CCDC91: variants seen among roughly 807,000 people sequenced by gnomAD.
The protein encoded by CCDC91 is coiled-coil domain containing 91, also known as coiled-coil domain-containing protein 91.
Under a neutral mutation model 63.2 loss-of-function variants are expected in CCDC91, and 48 were observed. The ratio of observed to expected loss-of-function variants is 0.76; its 90% CI spans 0.60 to 0.97. The LOEUF is 0.97. Among genes scored for constraint, CCDC91 ranks in the 50% least tolerant of loss-of-function variants. The pLI is 0.00. For synonymous variants in CCDC91, 167 were observed against 165.8 expected (o/e 1.01, Z -0.06); for missense variants, 500 against 494.6 (o/e 1.01, Z -0.10).
intron 1 of CCDC91, among the ~76,000 whole-genome samples, chr12:28,193,441 A>C (rs1391982797): frequency 6.6e-6 from 1 of 152,094 alleles, no homozygotes; most frequent in Non-Finnish European, 1.5e-5. Context: ...TCTCTACTAA[A>C]AATACAAAAA....
rs563867998 is a variant in CCDC91 at position 28,412,173 on chromosome 12, T to G, written c.762+20762T>G. Reference sequence around the variant, plus strand: ...GTAGGCTATATCATCTAGGTTTGTGTAAGTACACTCTATGATGTTCACACA... The same window carrying G: ...GTAGGCTATATCATCTAGGTTTGTGGAAGTACACTCTATGATGTTCACACA... On this transcript the variant is annotated intron_variant, in intron 8 of 12. Coordinates refer to ENST00000536442, the MANE Select transcript of CCDC91 (RefSeq NM_018318.5). Among the ~76,000 whole-genome samples, 6 of 152,322 alleles carry G rather than the reference T, an allele frequency of 3.9e-5. No homozygotes were observed. The South Asian group carries it at 1.2e-3, about 32-fold the overall frequency.
intron 1 of CCDC91, among the ~76,000 whole-genome samples, chr12:28,211,311 C>T (rs1296065805): frequency 6.6e-6 from 1 of 151,914 alleles, no homozygotes; most frequent in East Asian, 1.9e-4. Context: ...TGACCTGGCT[C>T]ACCGCACCAT....
chr12:28,444,454 G>A (rs557887211), intron 8 of CCDC91, among the ~76,000 whole-genome samples: 3 of 152,208 alleles, frequency 2.0e-5, no homozygotes, highest in South Asian at 2.1e-4. Context: ...TATAAGTCCC[G>A]CGGAGGTACT....
At chr12:28,431,871 T>G (rs1948645813) in intron 8 of CCDC91, among the ~76,000 whole-genome samples, 2 of 152,062 alleles carry the variant, frequency 1.3e-5, no homozygotes, top group African/African-American at 2.4e-5. Context: ...CTCTAAAATT[T>G]CTCAGTGTTC....
chr12:28,220,069 A>G (rs1398648374), intron 1 of CCDC91, among the ~76,000 whole-genome samples: 1 of 152,094 alleles, frequency 6.6e-6, no homozygotes, highest in Non-Finnish European at 1.5e-5. Context: ...GTCTGCTTTT[A>G]AATTTAGTTG....
At chr12:28,484,407 T>A (rs1347259747) in intron 12 of CCDC91, among the ~76,000 whole-genome samples, 2 of 152,188 alleles carry the variant, frequency 1.3e-5, no homozygotes, top group African/African-American at 4.8e-5. Context: ...AAATAACCTA[T>A]ATCATTTCCA....
At chr12:28,388,695 A>G (rs1369292498) in intron 7 of CCDC91, among the ~76,000 whole-genome samples, 7 of 152,124 alleles carry the variant, frequency 4.6e-5, no homozygotes, top group South Asian at 4.1e-4. Context: ...GCAGCCTACA[A>G]ATTCAACCCA....
At chr12:28,448,457 G>A (rs1949643696) in intron 8 of CCDC91, among the ~76,000 whole-genome samples, 5 of 152,136 alleles carry the variant, frequency 3.3e-5, no homozygotes. Flanking sequence ...ACACAAACAA[G>A]CTCAAAAATT....
At chr12:28,241,723 G>A (rs1489710173) in intron 1 of CCDC91, among the ~76,000 whole-genome samples, 2 of 152,106 alleles carry the variant, frequency 1.3e-5, no homozygotes, top group Admixed American at 6.5e-5. Context: ...CTTGCGGGGC[G>A]TGGTGGCTCA....
chr12:28,196,083 C>A (rs1941744554), intron 1 of CCDC91, among the ~76,000 whole-genome samples: 1 of 152,196 alleles, frequency 6.6e-6, no homozygotes, highest in South Asian at 2.1e-4. Flanking sequence ...CTAGCCTCTG[C>A]AACAGAGAGA....
intron 12 of CCDC91, among the ~76,000 whole-genome samples, chr12:28,521,218 T>C (rs1016077785): frequency 6.6e-6 from 1 of 152,198 alleles, no homozygotes; most frequent in African/African-American, 2.4e-5. Context: ...GGAATGTTCT[T>C]CCATTTGTTT....
In CCDC91 at chr12:28,331,290, A is replaced by G. The variant is rs117244204; in HGVS notation, c.576+23541A>G. Among the ~76,000 whole-genome samples the G allele has an allele frequency of 3.5e-4, 53 of 152,324 alleles. No homozygotes were observed. In the East Asian group the frequency reaches 0.01, roughly 29 times the overall value. ...CCATGCTTGTGGTTTTTGAGTTGTC[A>G]GTAATCTCCTGGATGAATATTGTAG... On this transcript the variant is annotated intron_variant, in intron 6 of 12. Coordinates refer to ENST00000536442, the MANE Select transcript of CCDC91 (RefSeq NM_018318.5).
At chr12:28,330,457 G>A (rs1941405775) in intron 6 of CCDC91, among the ~76,000 whole-genome samples, 1 of 151,592 alleles carries the variant, frequency 6.6e-6, no homozygotes, top group East Asian at 1.9e-4. Flanking sequence ...ACTTTTTGAT[G>A]GGGTTGTTTT....
chr12:28,269,412 T>G (rs1469032455), intron 3 of CCDC91, among the ~76,000 whole-genome samples: 1 of 152,134 alleles, frequency 6.6e-6, no homozygotes, highest in Non-Finnish European at 1.5e-5. Flanking sequence ...AGTTTCTAAG[T>G]TCATTCAAAC....
rs926925084 is a variant in CCDC91 at position 28,471,596 on chromosome 12, G to A, written c.1102-12456G>A. On this transcript the variant is annotated intron_variant, in intron 11 of 12. Transcript: ENST00000536442. ...CAGTCCAGTTTGGAGATAGGTCAAG[G>A]AAGTTGTATCTCCAAGAAGACAAAC... Among the ~76,000 whole-genome samples the A allele has an allele frequency of 7.9e-5, 12 of 152,090 alleles. 1 individual carries two copies. Among genetic ancestry groups the A allele is most frequent in the African/African-American group, 2.9e-4 (12 of 41,414 alleles).
chr12:28,435,014 G>A (rs757685042), intron 8 of CCDC91, among the ~76,000 whole-genome samples: 10 of 151,368 alleles, frequency 6.6e-5, no homozygotes, highest in South Asian at 4.1e-4. Context: ...AATTTGTGCC[G>A]TCTCTCTTTT....
chr12:28,497,273 G>C (rs534150095), intron 12 of CCDC91, among the ~76,000 whole-genome samples: 1 of 151,260 alleles, frequency 6.6e-6, no homozygotes, highest in Non-Finnish European at 1.5e-5. Flanking sequence ...CATGGCCTCT[G>C]CTATTTTTCA....
chr12:28,307,813 A>G, intron 6 of CCDC91, 64 bp downstream of exon 6: 1 of 834,108 alleles, frequency 1.2e-6, no homozygotes. Context: ...CTATAATTTC[A>G]AAAAGTGCAT....
At chr12:28,331,039 G>T (rs1278478479) in intron 6 of CCDC91, among the ~76,000 whole-genome samples, 1 of 152,104 alleles carries the variant, frequency 6.6e-6, no homozygotes, top group African/African-American at 2.4e-5. Context: ...TTCCAGATTA[G>T]AATTTATTTT....
Sources: gnomAD v4.1 joint callset for allele counts (sites outside exome capture counted in the v4.1 genomes callset) on GRCh38, gnomAD v4.1.1 for gene constraint, MANE v1.5 for transcripts, NCBI Gene and HGNC (gene_info 2026-07-23, HGNC 2026-07-21) for gene names.